Variants in HELZ observed in about 807,000 individuals in gnomAD.
HELZ encodes ATP-dependent RNA helicase with zinc finger domain.
A neutral mutation model predicts 218.2 loss-of-function variants in HELZ; 23 were observed. That is an observed-to-expected ratio of 0.11 (90% CI 0.08 to 0.15). The LOEUF (loss-of-function observed/expected upper bound fraction) is 0.15. HELZ is among the 10% of genes least tolerant of loss of function. HELZ has a pLI of 1.00. For missense variants in HELZ, 1,813 were observed against 2,353.7 expected, an observed-to-expected ratio of 0.77 and a Z score of 4.75; for synonymous variants, 814 against 829.4, an observed-to-expected ratio of 0.98 and a Z score of 0.32.
intron 27 of HELZ, chr17:67,119,945 C>A: frequency 2.5e-6 from 1 of 399,630 alleles, no homozygotes; most frequent in Non-Finnish European, 4.7e-6. Context: ...TAATTTGTAT[C>A]TTCTGGAGAG....
At chr17:67,173,749 A>T (rs1440296101) in intron 13 of HELZ, among the ~76,000 whole-genome samples, 1 of 152,086 alleles carries the variant, frequency 6.6e-6, no homozygotes, top group Non-Finnish European at 1.5e-5. Flanking sequence ...CAGAAGCAGC[A>T]CCCATCTAAC....
At chr17:67,176,988 T>C (rs1245100907) in intron 13 of HELZ, among the ~76,000 whole-genome samples, 1 of 152,056 alleles carries the variant, frequency 6.6e-6, no homozygotes, top group African/African-American at 2.4e-5. Flanking sequence ...TCTCTTTTTT[T>C]TTTTTTTTGA....
At chr17:67,121,216 C>T (rs924218997) in intron 26 of HELZ, among the ~76,000 whole-genome samples, 2 of 152,172 alleles carry the variant, frequency 1.3e-5, no homozygotes, top group Non-Finnish European at 2.9e-5. Flanking sequence ...GATATATAAT[C>T]TCTGCATATT....
chr17:67,085,097 A>G (rs1307772580), intron 32 of HELZ, among the ~76,000 whole-genome samples: 1 of 151,870 alleles, frequency 6.6e-6, no homozygotes, highest in Non-Finnish European at 1.5e-5. Context: ...ACAGAGCGAG[A>G]CTCTGTCTCA....
chr17:67,224,484 T>C (rs994911482), intron 3 of HELZ: 21 of 255,776 alleles, frequency 8.2e-5, no homozygotes, highest in Admixed American at 1.4e-4. Flanking sequence ...TTTCAGGCAG[T>C]TGGAACCAAG....
intron 7 of HELZ, among the ~76,000 whole-genome samples, chr17:67,196,368 G>A (rs12942297): frequency 0.4 from 60,195 of 152,022 alleles, 13,300 homozygotes; most frequent in Non-Finnish European, 0.51. Flanking sequence ...TCAACAAAGC[G>A]CCAACCATAG....
At chr17:67,179,162 G>A (rs1248271656) in intron 12 of HELZ, among the ~76,000 whole-genome samples, 2 of 151,748 alleles carry the variant, frequency 1.3e-5, no homozygotes, top group African/African-American at 4.8e-5. Flanking sequence ...CTTTTTATCA[G>A]GCTAGGACAT....
Position 67,074,600 on chromosome 17 carries a change from A to C in HELZ, c.*3652T>G, listed in dbSNP as rs1473251140. On this transcript the variant is annotated 3_prime_UTR_variant, in exon 33 of 33. Transcript: ENST00000358691. Reference sequence around the variant, plus strand: ...GACATGAAAAATATTAAACACATAAAATCAACTACACTAGAGCAACACAAT... The same window carrying C: ...GACATGAAAAATATTAAACACATAACATCAACTACACTAGAGCAACACAAT... 6.6e-6 allele frequency: 1 copy of C among 152,136 alleles called. No individual in the cohort carries two copies. Among genetic ancestry groups the C allele is most frequent in the African/African-American group, 2.4e-5 (1 of 41,450 alleles). The allele number at this position is 152,136 out of a possible 1,614,324, so 9.4% of individuals were successfully genotyped here. A position where few individuals can be genotyped will look rare whatever the true frequency, so the allele number is the denominator to read the frequency against.
intron 3 of HELZ, among the ~76,000 whole-genome samples, chr17:67,237,251 CT>C (rs1324940703): frequency 6.6e-6 from 1 of 152,170 alleles, no homozygotes; most frequent in Admixed American, 6.5e-5. Flanking sequence ...CACCAGTGTA[CT>C]CCAGCCTGGG....
intron 31 of HELZ, among the ~76,000 whole-genome samples, chr17:67,097,123 G>C (rs758003694): frequency 2.0e-5 from 3 of 152,142 alleles, no homozygotes; most frequent in Non-Finnish European, 4.4e-5. Flanking sequence ...TAAGTGATGG[G>C]GGAACAGCAA....
upstream of HELZ, chr17:67,245,252 C>T: frequency 1.0e-6 from 1 of 975,684 alleles, no homozygotes; most frequent in Non-Finnish European, 1.2e-6. Context: ...CCCCCGACTC[C>T]CGCCTCCCGC....
chr17:67,158,462 C>G (rs562983361), intron 17 of HELZ, among the ~76,000 whole-genome samples: 26 of 152,286 alleles, frequency 1.7e-4, no homozygotes, highest in African/African-American at 5.8e-4. Flanking sequence ...GCTAATAAAT[C>G]TGAACTCAAT....
chr17:67,145,383 T>A (rs1369903551), intron 21 of HELZ, among the ~76,000 whole-genome samples: 2 of 152,172 alleles, frequency 1.3e-5, no homozygotes, highest in East Asian at 1.9e-4. Flanking sequence ...GCAATTCAAG[T>A]CTTATTCATT....
intron 5 of HELZ, among the ~76,000 whole-genome samples, chr17:67,204,082 T>C (rs1186200138): frequency 1.3e-5 from 2 of 152,244 alleles, no homozygotes; most frequent in South Asian, 2.1e-4. Flanking sequence ...GTTCAATTAG[T>C]AGAGCAATCT....
intron 15 of HELZ, among the ~76,000 whole-genome samples, chr17:67,161,464 T>G (rs982807058): frequency 6.6e-6 from 1 of 152,146 alleles, no homozygotes; most frequent in Non-Finnish European, 1.5e-5. Flanking sequence ...AAGTAGTAGG[T>G]TTTTTTGCAT....
chr17:67,194,184 A>G lies in HELZ; in HGVS notation c.482-142T>C, dbSNP rs975150623. 5 of 612,006 alleles carry G rather than the reference A, an allele frequency of 8.2e-6. No homozygotes were observed. In the African/African-American group the frequency reaches 9.4e-5, roughly 11 times the overall value. 37.9% of individuals were successfully genotyped at this position (612,006 alleles called of 1,614,324 possible). A position where few individuals can be genotyped will look rare whatever the true frequency, so the allele number is the denominator to read the frequency against. On this transcript the variant is annotated intron_variant, in intron 8 of 32. Coordinates refer to ENST00000358691, the MANE Select transcript of HELZ (RefSeq NM_014877.4). The stretch of plus-strand genomic sequence containing the variant: ...AGAACATGACATACTTGCCTCTACC[A>G]AAAAGTAATCTACCAATCAACTACA...
At chr17:67,241,451 C>T (rs765796608) in intron 2 of HELZ, among the ~76,000 whole-genome samples, 2 of 152,188 alleles carry the variant, frequency 1.3e-5, no homozygotes. Flanking sequence ...AGAACACATG[C>T]ATCTGTAAGA....
intron 21 of HELZ, among the ~76,000 whole-genome samples, chr17:67,144,484 TAA>T (rs202236292): frequency 1.5e-5 from 2 of 129,424 alleles, no homozygotes; most frequent in Admixed American, 7.6e-5. Flanking sequence ...GAACAAATAT[TAA>T]AAAAAAAAAA....
At chr17:67,200,393 T>C (rs2040138975) in intron 7 of HELZ, among the ~76,000 whole-genome samples, 2 of 152,050 alleles carry the variant, frequency 1.3e-5, no homozygotes, top group African/African-American at 2.4e-5. Flanking sequence ...CCTAAACACA[T>C]TCCTTAAAGA....
Sources: gnomAD v4.1 joint callset for allele counts (sites outside exome capture counted in the v4.1 genomes callset) on GRCh38, gnomAD v4.1.1 for gene constraint, MANE v1.5 for transcripts, NCBI Gene and HGNC (gene_info 2026-07-23, HGNC 2026-07-21) for gene names.